The following XIRP2 variants were observed in gnomAD, a reference collection of about 807,000 sequenced individuals.
XIRP2 encodes the protein xin actin-binding repeat-containing protein 2.
In XIRP2, 236 loss-of-function variants were observed where a neutral mutation model predicts 277.0. The observed-to-expected ratio is 0.85, with a 90% CI of 0.77 to 0.95. XIRP2 has a LOEUF of 0.95. Ranked by LOEUF, XIRP2 falls within the 40% of genes least tolerant of loss-of-function variation. XIRP2 has a pLI of 0.00. For synonymous variants in XIRP2, 1,490 were observed against 1,416.5 expected, an observed-to-expected ratio of 1.05 and a Z score of -1.17; for missense variants, 4,640 against 4,157.5, an observed-to-expected ratio of 1.12 and a Z score of -3.19.
intron 5 of XIRP2, 51 bp from the exon 6 acceptor site, chr2:167,239,804 T>G (rs1365795561): frequency 1.3e-6 from 2 of 1,511,772 alleles, no homozygotes; most frequent in Admixed American, 2.2e-5. Context: ...TAAAAAAAGT[T>G]AAAATTTTTA....
chr2:167,048,553 C>A (rs1229413947), intron 2 of XIRP2, among the ~76,000 whole-genome samples: 1 of 151,630 alleles, frequency 6.6e-6, no homozygotes, highest in Admixed American at 6.6e-5. Flanking sequence ...GTTGGACATT[C>A]TATTAGAGAA....
At chr2:167,007,314 A>G (rs902624907) in intron 2 of XIRP2, among the ~76,000 whole-genome samples, 48 of 151,804 alleles carry the variant, frequency 3.2e-4, no homozygotes, top group African/African-American at 1.1e-3. Context: ...ATATTTTAAA[A>G]GTTAGGGTTC....
At position 167,007,268 on chromosome 2, in the gene XIRP2, G is replaced by A. The variant is rs1174448286; in HGVS notation, c.408+103378G>A. ...ATTGGGGTTAAGTCACCAATGATGG[G>A]ATATCATATAAATTATAGAGGTGGA... On this transcript the variant is annotated intron_variant, in intron 2 of 10. Transcript: ENST00000409195. 3.3e-5 allele frequency among the ~76,000 whole-genome samples: 5 copies of A among 151,524 alleles called. No homozygotes were observed. In the South Asian group the frequency reaches 8.3e-4, roughly 25 times the overall value.
At chr2:167,027,674 A>C (rs1023370229) in intron 2 of XIRP2, among the ~76,000 whole-genome samples, 1 of 152,024 alleles carries the variant, frequency 6.6e-6, no homozygotes, top group East Asian at 1.9e-4. Flanking sequence ...TGATGTACAG[A>C]TGGGTTTTTG....
At chr2:167,157,994 G>C (rs1300699736) in intron 3 of XIRP2, among the ~76,000 whole-genome samples, 2 of 152,082 alleles carry the variant, frequency 1.3e-5, no homozygotes, top group African/African-American at 4.8e-5. Flanking sequence ...TAAATATGAA[G>C]TTATTTATCC....
intron 2 of XIRP2, among the ~76,000 whole-genome samples, chr2:167,082,891 G>A (rs1385461635): frequency 6.6e-6 from 1 of 152,058 alleles, no homozygotes; most frequent in East Asian, 1.9e-4. Flanking sequence ...CATTTTGTAG[G>A]TTGCCTGTTC....
chr2:167,084,831 T>C (rs1172008068), intron 2 of XIRP2, among the ~76,000 whole-genome samples: 2 of 151,500 alleles, frequency 1.3e-5, no homozygotes, highest in African/African-American at 4.8e-5. Flanking sequence ...TTCTTCTCTC[T>C]TTTTTTCTTT....
chr2:167,059,074 T>A (rs1257791182), intron 2 of XIRP2, among the ~76,000 whole-genome samples: 1 of 151,406 alleles, frequency 6.6e-6, no homozygotes, highest in African/African-American at 2.4e-5. Flanking sequence ...TGGTAAGCAT[T>A]GGCTAGAGGA....
chr2:167,225,704 T>C (rs1694577526), intron 5 of XIRP2, among the ~76,000 whole-genome samples: 1 of 152,134 alleles, frequency 6.6e-6, no homozygotes, highest in South Asian at 2.1e-4. Context: ...ACAAACATTG[T>C]TCTCAAGAGG....
chr2:167,110,116 C>T lies in XIRP2; in HGVS notation c.409-25793C>T, dbSNP rs774529202. 6.6e-5 allele frequency among the ~76,000 whole-genome samples: 10 copies of T among 151,848 alleles called. 1 individual carries two copies. Among genetic ancestry groups the T allele is most frequent in the Non-Finnish European group, 1.5e-4 (10 of 67,932 alleles). On this transcript the variant is annotated intron_variant, in intron 2 of 10. Coordinates refer to ENST00000409195, the MANE Select transcript of XIRP2 (RefSeq NM_152381.6). ...AGTTTGTAAATATTTTCTCCTATTC[C>T]GTAAGTTGTCTGTTTACTCTGTTGA...
At chr2:167,219,804 T>C (rs1694368894) in intron 5 of XIRP2, among the ~76,000 whole-genome samples, 1 of 152,218 alleles carries the variant, frequency 6.6e-6, no homozygotes, top group South Asian at 2.1e-4. Context: ...GTTGAGTGAT[T>C]TGCCTATCTC....
chr2:166,893,821 A>G (rs1181442717), intron 1 of XIRP2, among the ~76,000 whole-genome samples: 3 of 152,166 alleles, frequency 2.0e-5, no homozygotes, highest in Non-Finnish European at 2.9e-5. Flanking sequence ...ATACATAACT[A>G]TGCTTTAAAC....
At chr2:167,066,108 C>G (rs758710874) in intron 2 of XIRP2, among the ~76,000 whole-genome samples, 11 of 151,476 alleles carry the variant, frequency 7.3e-5, no homozygotes, top group Non-Finnish European at 8.9e-5. Context: ...GATTTACCCT[C>G]TTAATAAATC....
chr2:167,201,220 AAGAAAGAAAGAAAGAAAGAAAGAAAG>A (rs1559018172), intron 3 of XIRP2, among the ~76,000 whole-genome samples: 1 of 130,802 alleles, frequency 7.6e-6, no homozygotes, highest in Non-Finnish European at 1.6e-5. Flanking sequence ...GAAAGAAAGA[AAGAAAGAAAGAAAGAAAGAAAGAAAG>A]AAAGAAAGAA....
rs750939192 is a variant in XIRP2 at position 167,239,931 on chromosome 2, A to G, written c.935A>G (p.Lys312Arg). ...EMARNEQEGS[K>R]VQKIDVHGTE... ...GCAAGAAATGAACAAGAAGGGTCCA[A>G]AGTACAGAAAATTGATGTTCATGGA... The change falls in exon 6 of 11, where the codon AAA (lysine) becomes AGA (arginine). Residue 312 changes from lysine to arginine, a missense_variant. Transcript: ENST00000409195. 1 of 1,603,166 alleles carries G rather than the reference A, an allele frequency of 6.2e-7. No individual in the cohort carries two copies. Among genetic ancestry groups the G allele is most frequent in the Admixed American group, 1.8e-5 (1 of 56,740 alleles).
chr2:167,023,535 C>G (rs2105489312), intron 2 of XIRP2, among the ~76,000 whole-genome samples: 1 of 152,126 alleles, frequency 6.6e-6, no homozygotes, highest in South Asian at 2.1e-4. Flanking sequence ...TTGCCCATGC[C>G]TATGTCCTGA....
intron 2 of XIRP2, among the ~76,000 whole-genome samples, chr2:166,913,766 A>G (rs1454224508): frequency 2.6e-5 from 4 of 152,202 alleles, no homozygotes; most frequent in Admixed American, 6.5e-5. Context: ...CCATTTTGCA[A>G]ACACTCTCCC....
intron 2 of XIRP2, among the ~76,000 whole-genome samples, chr2:166,997,178 A>G (rs1345269744): frequency 6.6e-6 from 1 of 152,094 alleles, no homozygotes; most frequent in East Asian, 1.9e-4. Flanking sequence ...ATGAAATCTC[A>G]TTTTCACAGG....
intron 2 of XIRP2, among the ~76,000 whole-genome samples, chr2:167,084,929 T>C (rs914722197): frequency 1.0e-3 from 154 of 150,802 alleles, no homozygotes; most frequent in Non-Finnish European, 1.0e-3. Flanking sequence ...GGTTTTTTTG[T>C]GTCTCTATTT....
Sources: allele counts gnomAD v4.1 joint callset (sites outside exome capture counted in the v4.1 genomes callset), GRCh38; gene constraint gnomAD v4.1.1; transcripts MANE v1.5; gene names NCBI Gene and HGNC (gene_info 2026-07-23, HGNC 2026-07-21).